Variants in ATRNL1 observed in about 807,000 individuals in gnomAD.
The protein encoded by ATRNL1 is attractin like 1, also known as attractin-like protein 1.
In ATRNL1, 95 loss-of-function variants were observed where a neutral mutation model predicts 182.7. The ratio of observed to expected loss-of-function variants is 0.52; its 90% CI spans 0.44 to 0.62. The LOEUF (loss-of-function observed/expected upper bound fraction) is 0.62. Ranked by LOEUF, ATRNL1 falls within the 20% of genes least tolerant of loss-of-function variation. ATRNL1 has a pLI of 0.00. For synonymous variants in ATRNL1, 576 were observed against 568.3 expected (o/e 1.01, Z -0.19); for missense variants, 1,471 against 1,679.5 (o/e 0.88, Z 2.17).
chr10:115,210,738 T>A (rs781883043), intron 8 of ATRNL1, among the ~76,000 whole-genome samples: 6 of 151,930 alleles, frequency 3.9e-5, no homozygotes, highest in Non-Finnish European at 8.8e-5. Flanking sequence ...CTTAATAGTA[T>A]CTCTTTGTAA....
intron 10 of ATRNL1, among the ~76,000 whole-genome samples, chr10:115,257,947 C>T (rs1400481858): frequency 1.3e-5 from 2 of 152,210 alleles, no homozygotes; most frequent in African/African-American, 4.8e-5. Flanking sequence ...TTAGTCTCTT[C>T]TGGCTTGTAG....
chr10:115,837,142 A>G (rs1950693291), intron 27 of ATRNL1, among the ~76,000 whole-genome samples: 1 of 152,208 alleles, frequency 6.6e-6, no homozygotes, highest in African/African-American at 2.4e-5. Context: ...TTCTAAAGCA[A>G]CATGATGTGG....
chr10:115,429,513 A>G (rs539037143), intron 21 of ATRNL1, among the ~76,000 whole-genome samples: 18 of 152,214 alleles, frequency 1.2e-4, no homozygotes, highest in Admixed American at 1.3e-4. Flanking sequence ...GCAAATTCCT[A>G]TCTTATTTTG....
chr10:115,320,887 T>C (rs1301337445), intron 18 of ATRNL1, among the ~76,000 whole-genome samples: 4 of 152,194 alleles, frequency 2.6e-5, no homozygotes, highest in African/African-American at 9.7e-5. Flanking sequence ...GTCCATCTCA[T>C]CGTCTGTCCA....
At chr10:115,168,863 C>T (rs1279356701) in intron 7 of ATRNL1, among the ~76,000 whole-genome samples, 1 of 151,566 alleles carries the variant, frequency 6.6e-6, no homozygotes, top group East Asian at 1.9e-4. Context: ...GATTTGGTGT[C>T]ATATTTAATA....
intron 27 of ATRNL1, among the ~76,000 whole-genome samples, chr10:115,730,114 G>T (rs1406790647): frequency 6.6e-6 from 1 of 151,468 alleles, no homozygotes; most frequent in East Asian, 1.9e-4. Flanking sequence ...AAAATTAGCT[G>T]GGCATGGTGG....
At chr10:115,192,635 T>C (rs1423422783) in intron 8 of ATRNL1, among the ~76,000 whole-genome samples, 4 of 152,118 alleles carry the variant, frequency 2.6e-5, no homozygotes, top group Admixed American at 6.6e-5. Context: ...AGAATGTCAT[T>C]AGTATTTTGA....
chr10:115,206,552 A>G (rs1336398240), intron 8 of ATRNL1, among the ~76,000 whole-genome samples: 3 of 151,872 alleles, frequency 2.0e-5, no homozygotes, highest in African/African-American at 7.3e-5. Context: ...AACACAATAA[A>G]TTGTTCTAGT....
chr10:115,534,831 G>C (rs1554989699), intron 25 of ATRNL1, among the ~76,000 whole-genome samples: 1 of 151,426 alleles, frequency 6.6e-6, no homozygotes, highest in African/African-American at 2.4e-5. Flanking sequence ...GCATTTGCTT[G>C]TCTGTAAAGT....
At chr10:115,924,185 C>G (rs140860651) in intron 28 of ATRNL1, among the ~76,000 whole-genome samples, 1,788 of 152,212 alleles carry the variant, frequency 0.012, 36 homozygotes, top group African/African-American at 0.041. Flanking sequence ...AACATTTCTC[C>G]CATTCTGTAG....
chr10:115,418,496 C>A (rs1845505083), intron 20 of ATRNL1, among the ~76,000 whole-genome samples: 1 of 151,908 alleles, frequency 6.6e-6, no homozygotes, highest in Admixed American at 6.6e-5. Flanking sequence ...TATTAGAATT[C>A]AAGAAGGAGT....
At position 115,449,606 on chromosome 10, in the gene ATRNL1, C is replaced by G. The variant is rs1377308428; in HGVS notation, c.3323-12335C>G. Among the ~76,000 whole-genome samples the G allele has an allele frequency of 2.0e-5, 3 of 152,206 alleles. No homozygotes were observed. The South Asian group carries it at 6.2e-4, about 32-fold the overall frequency. On this transcript the variant is annotated intron_variant, in intron 21 of 28. Coordinates refer to ENST00000355044, the MANE Select transcript of ATRNL1 (RefSeq NM_207303.4). ...CTGGGGCTTCAGGGGTTGTGGGTACCCCCCAGACACTGCCATGGGGCTGCA... is the reference window on the plus strand; with the variant it reads ...CTGGGGCTTCAGGGGTTGTGGGTACGCCCCAGACACTGCCATGGGGCTGCA...
intron 8 of ATRNL1, 51 bp downstream of exon 8, chr10:115,171,343 C>T (rs113157696): frequency 1.4e-6 from 2 of 1,447,270 alleles, no homozygotes; most frequent in Non-Finnish European, 1.9e-6. Flanking sequence ...ATGTTTTTCT[C>T]TTTAATAAAA....
intron 25 of ATRNL1, among the ~76,000 whole-genome samples, chr10:115,528,211 T>C (rs1851362101): frequency 1.3e-5 from 1 of 74,986 alleles, no homozygotes; most frequent in Non-Finnish European, 3.0e-5. Flanking sequence ...TTGGTATTAG[T>C]TATTTTTTAA....
intron 5 of ATRNL1, among the ~76,000 whole-genome samples, chr10:115,155,239 T>TC (rs1846452064): frequency 6.6e-6 from 1 of 152,028 alleles, no homozygotes; most frequent in Admixed American, 6.6e-5. Context: ...TCTTTTTTTT[T>TC]CTTTTTAAAA....
intron 12 of ATRNL1, 112 bp downstream of exon 12, chr10:115,267,117 G>A (rs1851640716): frequency 1.5e-5 from 10 of 669,160 alleles, no homozygotes; most frequent in Non-Finnish European, 2.6e-5. Context: ...TGAAAAATTT[G>A]TATTACCCTA....
chr10:115,688,802 CTT>C (rs1946300535), intron 26 of ATRNL1, among the ~76,000 whole-genome samples: 1 of 152,020 alleles, frequency 6.6e-6, no homozygotes, highest in South Asian at 2.1e-4. Flanking sequence ...TGTGGAGAAA[CTT>C]TTAAATTTAG....
At chr10:115,514,862 T>A (rs1374887899) in intron 24 of ATRNL1, among the ~76,000 whole-genome samples, 2 of 151,926 alleles carry the variant, frequency 1.3e-5, no homozygotes, top group Non-Finnish European at 2.9e-5. Flanking sequence ...TCTTTGAAAA[T>A]TTTCCATCTC....
chr10:115,367,586 A>G (rs1250367151), intron 19 of ATRNL1, among the ~76,000 whole-genome samples: 2 of 151,970 alleles, frequency 1.3e-5, no homozygotes, highest in Admixed American at 6.6e-5. Flanking sequence ...TTGGAGGAGG[A>G]GAGGAACTCT....
Sources: allele counts gnomAD v4.1 joint callset (sites outside exome capture counted in the v4.1 genomes callset), GRCh38; gene constraint gnomAD v4.1.1; transcripts MANE v1.5; gene names NCBI Gene and HGNC (gene_info 2026-07-23, HGNC 2026-07-21).